The following DCC variants were observed in gnomAD, a reference collection of about 807,000 sequenced individuals.
The protein encoded by DCC is DCC netrin 1 receptor.
Under a neutral mutation model 172.5 loss-of-function variants are expected in DCC, and 58 were observed. The observed-to-expected ratio is 0.34, with a 90% CI of 0.27 to 0.42. DCC has a LOEUF of 0.42. Ranked by LOEUF, DCC falls within the 10% of genes least tolerant of loss-of-function variation. The probability of loss-of-function intolerance (pLI) is 1.00; values close to 1 mark genes in which losing one functional copy is unlikely to be tolerated. For missense variants in DCC, 1,740 were observed against 1,791.0 expected, an observed-to-expected ratio of 0.97 and a Z score of 0.51; for synonymous variants, 709 against 644.5, an observed-to-expected ratio of 1.10 and a Z score of -1.52.
Position 53,104,514 on chromosome 18 carries a change from G to T in DCC, c.1261+38348G>T, listed in dbSNP as rs2043217395. On this transcript the variant is annotated intron_variant, in intron 7 of 28. Coordinates refer to ENST00000442544, the MANE Select transcript of DCC (RefSeq NM_005215.4). ...CCTCCCCAGCCATGTGGAACTGTAA[G>T]TCCATTAAAACTTCTTCTTCTTCTT... 2.0e-5 allele frequency among the ~76,000 whole-genome samples: 3 copies of T among 152,010 alleles called. No homozygotes were observed. In the South Asian group the frequency reaches 6.2e-4, roughly 31 times the overall value.
chr18:52,497,291 A>ATATATATATGTG (rs2030816370), intron 1 of DCC, among the ~76,000 whole-genome samples: 1 of 60,026 alleles, frequency 1.7e-5, no homozygotes, highest in Non-Finnish European at 3.3e-5. Flanking sequence ...ATATATATAT[A>ATATATATATGTG]TATATATATA....
chr18:53,130,343 T>C (rs1158359622), intron 7 of DCC, among the ~76,000 whole-genome samples: 1 of 152,140 alleles, frequency 6.6e-6, no homozygotes, highest in Non-Finnish European at 1.5e-5. Flanking sequence ...CATCCTCTTA[T>C]CTTTCACTTT....
intron 5 of DCC, among the ~76,000 whole-genome samples, chr18:52,935,611 C>G (rs1422562615): frequency 6.6e-6 from 1 of 151,830 alleles, no homozygotes; most frequent in African/African-American, 2.4e-5. Flanking sequence ...GTGATATTAG[C>G]TGCTATTTTT....
chr18:52,378,335 A>T (rs183413643), intron 1 of DCC, among the ~76,000 whole-genome samples: 2 of 152,150 alleles, frequency 1.3e-5, no homozygotes, highest in South Asian at 2.1e-4. Context: ...AGAATTTCAC[A>T]TTGAGAAGAT....
At chr18:52,693,406 A>T (rs993187588) in intron 1 of DCC, among the ~76,000 whole-genome samples, 5 of 147,754 alleles carry the variant, frequency 3.4e-5, no homozygotes, top group African/African-American at 1.2e-4. Flanking sequence ...TATATAATAT[A>T]TATTTTATAT....
chr18:52,391,011 G>A (rs949600336), intron 1 of DCC, among the ~76,000 whole-genome samples: 1 of 151,874 alleles, frequency 6.6e-6, no homozygotes, highest in Non-Finnish European at 1.5e-5. Flanking sequence ...TCTTGTTACA[G>A]ATTTTTTTTT....
Position 53,179,012 on chromosome 18 carries a change from G to T in DCC, c.1469G>T (p.Gly490Val). ...TQPGSLQLTV[G>V]NLKPEAMYTF... is the part of the protein sequence containing the mutation. Reference sequence around the variant, plus strand: ...CCTGGGTCCCTTCAGCTCACTGTGGGAAACCTGAAGCCAGAAGCCATGTAC... The same window carrying T: ...CCTGGGTCCCTTCAGCTCACTGTGGTAAACCTGAAGCCAGAAGCCATGTAC... Residue 490 changes from glycine (G) to valine (V), a missense_variant, in exon 9 of 29, where the codon GGA (glycine) becomes GTA (valine). Gly to Val is a moderately radical substitution (Grantham distance 109, BLOSUM62 -3). Around this residue, in one of 2 missense-constraint regions of DCC, gnomAD observed 1,732 missense variants for 1,767.4 expected, o/e 0.98. Coordinates refer to ENST00000442544, the MANE Select transcript of DCC (RefSeq NM_005215.4). 2 of 1,614,070 alleles carry T rather than the reference G, an allele frequency of 1.2e-6. No individual in the cohort carries two copies. The highest frequency in any genetic ancestry group is 1.7e-6 in the Non-Finnish European group (2 of 1,179,984).
At chr18:52,358,174 T>C (rs1598859177) in intron 1 of DCC, among the ~76,000 whole-genome samples, 1 of 152,286 alleles carries the variant, frequency 6.6e-6, no homozygotes, top group African/African-American at 2.4e-5. Context: ...CTTAAAATGA[T>C]CTAAGTCTTC....
At chr18:53,226,946 A>ATT (rs1286261211) in intron 12 of DCC, among the ~76,000 whole-genome samples, 9 of 53,732 alleles carry the variant, frequency 1.7e-4, no homozygotes, top group African/African-American at 5.7e-4. Context: ...ATATATATAT[A>ATT]TATTTTTTTT....
intron 2 of DCC, among the ~76,000 whole-genome samples, chr18:52,786,154 C>T (rs1386095217): frequency 1.3e-5 from 2 of 152,036 alleles, no homozygotes; most frequent in Non-Finnish European, 2.9e-5. Context: ...CTTTGGGGGT[C>T]TATGAAGTTC....
intron 22 of DCC, among the ~76,000 whole-genome samples, chr18:53,448,396 C>T (rs1462113713): frequency 6.6e-6 from 1 of 152,088 alleles, no homozygotes; most frequent in Non-Finnish European, 1.5e-5. Context: ...GGGAAAGGAC[C>T]TTATAAAACC....
chr18:52,519,423 T>C (rs1263984793), intron 1 of DCC, among the ~76,000 whole-genome samples: 1 of 152,184 alleles, frequency 6.6e-6, no homozygotes, highest in East Asian at 1.9e-4. Flanking sequence ...TGGATGCTTA[T>C]GTGTAGATTT....
chr18:52,702,439 A>G (rs1487955855), intron 1 of DCC, among the ~76,000 whole-genome samples: 55 of 151,946 alleles, frequency 3.6e-4, no homozygotes, highest in Admixed American at 3.6e-3. Context: ...TCTTTAATAC[A>G]CCCCTGAGTA....
chr18:53,033,124 T>A (rs1031774156), intron 5 of DCC, among the ~76,000 whole-genome samples: 3 of 152,078 alleles, frequency 2.0e-5, no homozygotes, highest in Non-Finnish European at 1.5e-5. Context: ...CAATGACTTA[T>A]AGAAATAAGA....
intron 5 of DCC, among the ~76,000 whole-genome samples, chr18:52,928,610 T>C (rs971251404): frequency 6.6e-6 from 1 of 152,172 alleles, no homozygotes; most frequent in African/African-American, 2.4e-5. Flanking sequence ...CACATAGATA[T>C]ATTAGAAACA....
intron 5 of DCC, among the ~76,000 whole-genome samples, chr18:53,037,877 T>C (rs548132110): frequency 5.1e-4 from 78 of 152,014 alleles, no homozygotes; most frequent in Non-Finnish European, 1.0e-3. Flanking sequence ...TAAAATACTG[T>C]GAAAATGTTC....
At chr18:52,399,254 C>G (rs2144369984) in intron 1 of DCC, among the ~76,000 whole-genome samples, 1 of 151,960 alleles carries the variant, frequency 6.6e-6, no homozygotes, top group African/African-American at 2.4e-5. Context: ...AGTTGAGTAT[C>G]AGGGACAGCT....
chr18:53,381,924 A>G (rs1047877784), intron 15 of DCC, among the ~76,000 whole-genome samples: 2 of 152,024 alleles, frequency 1.3e-5, no homozygotes, highest in Admixed American at 6.6e-5. Flanking sequence ...TACCTTCCAT[A>G]CACTAATATT....
At chr18:52,637,769 C>T (rs560890701) in intron 1 of DCC, among the ~76,000 whole-genome samples, 2 of 152,240 alleles carry the variant, frequency 1.3e-5, no homozygotes, top group East Asian at 3.9e-4. Flanking sequence ...GAAAACTTCC[C>T]CAGCCTTGCT....
Sources: allele counts gnomAD v4.1 joint callset (sites outside exome capture counted in the v4.1 genomes callset), GRCh38; gene constraint gnomAD v4.1.1; regional missense constraint gnomAD v4.1.1; transcripts MANE v1.5; gene names NCBI Gene and HGNC (gene_info 2026-07-23, HGNC 2026-07-21).